Variants in PCSK5 observed in about 807,000 individuals in gnomAD.
PCSK5 encodes the protein proprotein convertase subtilisin/kexin type 5.
PCSK5 carries 129 observed loss-of-function variants against 233.2 expected under a neutral mutation model. The ratio of observed to expected loss-of-function variants is 0.55; its 90% CI spans 0.48 to 0.64. The LOEUF (loss-of-function observed/expected upper bound fraction) is 0.64. PCSK5 is among the 30% of genes least tolerant of loss of function. PCSK5 has a pLI of 0.00. For synonymous variants in PCSK5, 825 were observed against 879.2 expected (o/e 0.94, Z 1.09); for missense variants, 2,076 against 2,430.1 (o/e 0.85, Z 3.06).
intron 3 of PCSK5, among the ~76,000 whole-genome samples, chr9:75,997,946 C>T (rs79203456): frequency 0.044 from 6,684 of 152,122 alleles, 437 homozygotes; most frequent in African/African-American, 0.14. Context: ...GAATTTGACC[C>T]TTATAAAAAG....
At chr9:75,901,244 G>A (rs905218510) in intron 1 of PCSK5, among the ~76,000 whole-genome samples, 6 of 152,114 alleles carry the variant, frequency 3.9e-5, no homozygotes, top group Admixed American at 2.6e-4. Context: ...ATTATAGACT[G>A]GATAAAGAAA....
intron 5 of PCSK5, among the ~76,000 whole-genome samples, chr9:76,066,343 T>C (rs2131592978): frequency 6.6e-6 from 1 of 152,338 alleles, no homozygotes; most frequent in South Asian, 2.1e-4. Context: ...GTGTAGTAAT[T>C]GTTTCAGTCT....
intron 2 of PCSK5, among the ~76,000 whole-genome samples, chr9:75,943,753 A>T (rs1201296520): frequency 6.6e-6 from 1 of 152,232 alleles, no homozygotes; most frequent in Non-Finnish European, 1.5e-5. Flanking sequence ...CAATATAATG[A>T]ACTGCGCATG....
chr9:76,330,368 G>C (rs929528743), intron 33 of PCSK5, among the ~76,000 whole-genome samples: 9 of 152,214 alleles, frequency 5.9e-5, no homozygotes, highest in Admixed American at 3.3e-4. Context: ...ACAGAAGAGA[G>C]AGATGAATAT....
chr9:76,166,594 T>C (rs1489597493), intron 12 of PCSK5, among the ~76,000 whole-genome samples: 3 of 152,166 alleles, frequency 2.0e-5, no homozygotes, highest in Non-Finnish European at 4.4e-5. Context: ...TCAAGTCTCC[T>C]TTGTAGTTTT....
intron 7 of PCSK5, among the ~76,000 whole-genome samples, chr9:76,088,225 C>T (rs1274257618): frequency 6.6e-6 from 1 of 152,152 alleles, no homozygotes; most frequent in East Asian, 1.9e-4. Context: ...AAGTGCTGGA[C>T]ATCAGCAGGT....
chr9:76,131,570 A>G (rs757020278), intron 9 of PCSK5, among the ~76,000 whole-genome samples: 5 of 152,166 alleles, frequency 3.3e-5, no homozygotes, highest in Non-Finnish European at 5.9e-5. Context: ...CTCAGCATGA[A>G]AACAAGTAAC....
chr9:76,043,567 C>T (rs1829227126), intron 5 of PCSK5, among the ~76,000 whole-genome samples: 1 of 151,998 alleles, frequency 6.6e-6, no homozygotes, highest in South Asian at 2.1e-4. Context: ...ATGTCACGTG[C>T]TGGCCTTGCT....
At chr9:76,009,582 A>G (rs112322564) in intron 3 of PCSK5, among the ~76,000 whole-genome samples, 23,778 of 150,876 alleles carry the variant, frequency 0.16, 3,811 homozygotes, top group African/African-American at 0.41. Flanking sequence ...AGCCGAGATC[A>G]CACCACTGCA....
At chr9:76,252,738 G>A (rs533908566) in intron 24 of PCSK5, among the ~76,000 whole-genome samples, 95 of 152,230 alleles carry the variant, frequency 6.2e-4, no homozygotes, top group Non-Finnish European at 1.2e-3. Context: ...TTAAATTCAA[G>A]CTTCAAATCT....
At chr9:76,117,360 G>A (rs1832467797) in intron 9 of PCSK5, among the ~76,000 whole-genome samples, 2 of 152,014 alleles carry the variant, frequency 1.3e-5, no homozygotes, top group Admixed American at 1.3e-4. Context: ...ATAAAACAAA[G>A]CATTATATTG....
rs2131483895 is a variant in PCSK5, at chr9:76,332,628, T to C, written c.4748+18T>C. 3 of 1,531,360 alleles carry C rather than the reference T, an allele frequency of 2.0e-6. No individual in the cohort carries two copies. The highest frequency in any genetic ancestry group is 8.8e-7 in the Non-Finnish European group (1 of 1,130,598). 94.9% of individuals were successfully genotyped at this position (1,531,360 alleles called of 1,614,324 possible). On this transcript the variant is annotated intron_variant, in intron 34 of 37. Coordinates refer to ENST00000674117, the MANE Select transcript of PCSK5 (RefSeq NM_001372043.1). ...AGGGAAGGGTAAGTGCTCAATACAT[T>C]TTCCCCCATGTAATTTCACAGCCAC...
chr9:76,152,367 T>C (rs1441391101), intron 10 of PCSK5, among the ~76,000 whole-genome samples: 2 of 152,224 alleles, frequency 1.3e-5, no homozygotes, highest in Non-Finnish European at 2.9e-5. Context: ...AAATACTCAG[T>C]AATGGATAGT....
chr9:76,329,632 A>G (rs1829468535), intron 33 of PCSK5, among the ~76,000 whole-genome samples: 1 of 152,108 alleles, frequency 6.6e-6, no homozygotes, highest in Non-Finnish European at 1.5e-5. Context: ...CAGGAGTTCA[A>G]GACCAGCCTG....
rs76757914 is a variant in PCSK5 at position 76,287,270 on chromosome 9, A to G, written c.3143-4963A>G. On this transcript the variant is annotated intron_variant, in intron 24 of 37. Coordinates refer to ENST00000674117, the MANE Select transcript of PCSK5 (RefSeq NM_001372043.1). ...TTACCCTCTCCCTTCACCCAGAAGGAGCAAATGTGGGGCTTATTCTTTAGG... is the reference window on the plus strand; with the variant it reads ...TTACCCTCTCCCTTCACCCAGAAGGGGCAAATGTGGGGCTTATTCTTTAGG... 3.1e-3 allele frequency: 707 copies of G among 226,842 alleles called. 11 individuals are homozygous for G. The East Asian group carries it at 0.055, about 18-fold the overall frequency. The allele number at this position is 226,842 out of a possible 1,614,324, so 14.1% of individuals were successfully genotyped here. A position where few individuals can be genotyped will look rare whatever the true frequency, so the allele number is the denominator to read the frequency against.
At chr9:76,181,631 G>A in intron 16 of PCSK5, 40 bp downstream of exon 16, 1 of 1,457,366 alleles carries the variant, frequency 6.9e-7, no homozygotes, top group South Asian at 1.2e-5. Flanking sequence ...GAGAAGAAAT[G>A]TGGTGTTTTC....
At chr9:76,062,664 T>A (rs1179464051) in intron 5 of PCSK5, among the ~76,000 whole-genome samples, 2 of 152,204 alleles carry the variant, frequency 1.3e-5, no homozygotes, top group Non-Finnish European at 2.9e-5. Flanking sequence ...TGTTAAAAAT[T>A]TTTTATTGAT....
chr9:76,018,890 C>G (rs140073281), intron 3 of PCSK5, among the ~76,000 whole-genome samples: 74 of 152,308 alleles, frequency 4.9e-4, no homozygotes, highest in African/African-American at 1.7e-3. Context: ...TTACTGGAAC[C>G]TTTCTCCAAC....
intron 24 of PCSK5, among the ~76,000 whole-genome samples, chr9:76,260,962 T>C (rs985044674): frequency 1.3e-5 from 2 of 152,190 alleles, no homozygotes; most frequent in African/African-American, 4.8e-5. Flanking sequence ...CAATAACCTC[T>C]TCCTGCCTTG....
Sources: gnomAD v4.1 joint callset for allele counts (sites outside exome capture counted in the v4.1 genomes callset) on GRCh38, gnomAD v4.1.1 for gene constraint, MANE v1.5 for transcripts, NCBI Gene and HGNC (gene_info 2026-07-23, HGNC 2026-07-21) for gene names.